The following EPS8 variants were observed in gnomAD, a reference collection of about 807,000 sequenced individuals.
EPS8 encodes the protein EGFR pathway substrate 8, signaling adaptor.
EPS8 carries 42 observed loss-of-function variants against 103.8 expected under a neutral mutation model. That is an observed-to-expected ratio of 0.40 (90% confidence interval 0.32 to 0.52). The LOEUF is 0.52. EPS8 is among the 20% of genes least tolerant of loss of function. The pLI is 0.40. For synonymous variants in EPS8, 344 were observed against 344.6 expected, an observed-to-expected ratio of 1.00 and a Z score of 0.02; for missense variants, 969 against 1,005.1, an observed-to-expected ratio of 0.96 and a Z score of 0.49.
rs1946303531 is a variant in EPS8, at chr12:15,700,921, TA to T, written c.-21-17950del. 6.6e-6 allele frequency among the ~76,000 whole-genome samples: 1 copy of T among 152,156 alleles called. No individual in the cohort carries two copies. Among genetic ancestry groups the T allele is most frequent in the South Asian group, 2.1e-4 (1 of 4,830 alleles). On this transcript the variant is annotated intron_variant, in intron 1 of 20. Transcript: ENST00000281172. The surrounding 1 kb of genome is among the most constrained non-coding windows in gnomAD (Gnocchi z 5.1). ...TTCTAAACCCAGCCAGGTTTCAAAGTAAAGAACATTTTCATAAACATACGGT... is the reference window on the plus strand; with the variant it reads ...TTCTAAACCCAGCCAGGTTTCAAAGTAAGAACATTTTCATAAACATACGGT...
Position 15,768,552 on chromosome 12 carries a change from C to T in EPS8, c.-22+20609G>A, listed in dbSNP as rs537044857. On this transcript the variant is annotated intron_variant, in intron 1 of 20. Coordinates refer to ENST00000281172, the MANE Select transcript of EPS8 (RefSeq NM_004447.6). ...TAAATATTAATTAATAAGAACATCA[C>T]TTGAGGAGTTGGGTTCTTGATACAT... Among the ~76,000 whole-genome samples, 55 of 150,616 alleles carry T rather than the reference C, an allele frequency of 3.7e-4. 1 individual carries two copies. The South Asian group carries it at 0.011, about 31-fold the overall frequency.
chr12:15,738,274 C>T lies in EPS8; in HGVS notation c.-22+50887G>A, dbSNP rs1418776241. On this transcript the variant is annotated intron_variant, in intron 1 of 20. Coordinates refer to ENST00000281172, the MANE Select transcript of EPS8 (RefSeq NM_004447.6). This position sits in a 1 kb window ranked among gnomAD's most constrained non-coding sequence, Gnocchi z 6.2. ...AATGATCATTTAGAAACACACCCACCCTGAGTGGCTAAGAAACCCTTTTGC... is the reference window on the plus strand; with the variant it reads ...AATGATCATTTAGAAACACACCCACTCTGAGTGGCTAAGAAACCCTTTTGC... Among the ~76,000 whole-genome samples the T allele has an allele frequency of 2.0e-5, 3 of 152,056 alleles. No individual in the cohort carries two copies. The highest frequency in any genetic ancestry group is 4.8e-5 in the African/African-American group (2 of 41,404).
At position 15,713,044 on chromosome 12, in the gene EPS8, A is replaced by T. The variant is rs1477418674; in HGVS notation, c.-21-30072T>A. On this transcript the variant is annotated intron_variant, in intron 1 of 20. Coordinates refer to ENST00000281172, the MANE Select transcript of EPS8 (RefSeq NM_004447.6). The surrounding 1 kb of genome is among the most constrained non-coding windows in gnomAD (Gnocchi z 4.8). ...TGGTTTCTCTAGGGCGTTAACTAAG[A>T]TTTCCTCCTCTTGTTAAGTAAGTAA... is the stretch of plus-strand genomic sequence containing the variant. 4.2e-6 allele frequency: 4 copies of T among 962,978 alleles called. No individual in the cohort carries two copies. In the East Asian group the frequency reaches 4.6e-4, roughly 110 times the overall value. The allele number at this position is 962,978 out of a possible 1,614,324, so 59.7% of individuals were successfully genotyped here.
intron 3 of EPS8, among the ~76,000 whole-genome samples, chr12:15,677,828 A>G (rs1310122699): frequency 6.6e-6 from 1 of 152,170 alleles, no homozygotes; most frequent in Non-Finnish European, 1.5e-5. Context: ...GAGTTCTCAG[A>G]AAATGCCTGT....
intron 3 of EPS8, among the ~76,000 whole-genome samples, chr12:15,678,935 A>C (rs1945956903): frequency 6.6e-6 from 1 of 151,446 alleles, no homozygotes; most frequent in African/African-American, 2.4e-5. Flanking sequence ...AAAAAAAAAA[A>C]AGTAAGATTT....
intron 1 of EPS8, among the ~76,000 whole-genome samples, chr12:15,720,631 C>T (rs558203235): frequency 8.5e-5 from 13 of 152,274 alleles, no homozygotes; most frequent in Admixed American, 3.9e-4. Flanking sequence ...TTACTTAGAA[C>T]GCTTCAGTGT....
At position 15,747,054 on chromosome 12, in the gene EPS8, T is replaced by TAAA. The variant is rs1946882945; in HGVS notation, c.-22+42106_-22+42107insTTT. ...TCCTCAACAGTCAATACATATTTTG[T>TAAA]ACGCAGGAAGTGTTCAGAGAAAATA... On this transcript the variant is annotated intron_variant, in intron 1 of 20. Transcript: ENST00000281172. The surrounding 1 kb of genome is among the most constrained non-coding windows in gnomAD (Gnocchi z 4.4). Among the ~76,000 whole-genome samples the TAAA allele has an allele frequency of 1.3e-5, 2 of 152,198 alleles. No homozygotes were observed. The highest frequency in any genetic ancestry group is 4.8e-5 in the African/African-American group (2 of 41,440).
intron 8 of EPS8, chr12:15,662,306 A>T: frequency 7.5e-7 from 1 of 1,341,254 alleles, no homozygotes; most frequent in Middle Eastern, 2.8e-4. Flanking sequence ...CTTAAGTATT[A>T]GTCCTCTCAA....
intron 20 of EPS8, 128 bp from the exon 21 acceptor site, chr12:15,621,558 T>G (rs1944862939): frequency 5.1e-6 from 3 of 583,786 alleles, no homozygotes; most frequent in Non-Finnish European, 8.9e-6. Flanking sequence ...AGCTAACAGC[T>G]CTACTTTTTA....
chr12:15,691,508 C>T (rs1295307314), intron 1 of EPS8, among the ~76,000 whole-genome samples: 1 of 152,156 alleles, frequency 6.6e-6, no homozygotes, highest in African/African-American at 2.4e-5. Flanking sequence ...GCAAGGCCTG[C>T]GCCTAGGGCT....
At chr12:15,685,115 CA>C (rs1946073137) in intron 1 of EPS8, among the ~76,000 whole-genome samples, 2 of 152,208 alleles carry the variant, frequency 1.3e-5, no homozygotes, top group South Asian at 4.1e-4. Context: ...GATCCAACTG[CA>C]GCACATCATT....
At chr12:15,645,386 C>A (rs1294329600) in intron 15 of EPS8, among the ~76,000 whole-genome samples, 1 of 150,744 alleles carries the variant, frequency 6.6e-6, no homozygotes, top group Admixed American at 6.6e-5. Flanking sequence ...ATAATAGTGT[C>A]AACTTTTATA....
chr12:15,744,202 A>C (rs886499850), intron 1 of EPS8, among the ~76,000 whole-genome samples: 9 of 152,158 alleles, frequency 5.9e-5, no homozygotes, highest in African/African-American at 2.2e-4. Context: ...AGCAACATTA[A>C]GTCTTAACGA....
At chr12:15,689,053 A>G (rs1468518810) in intron 1 of EPS8, among the ~76,000 whole-genome samples, 1 of 152,174 alleles carries the variant, frequency 6.6e-6, no homozygotes, top group Non-Finnish European at 1.5e-5. Context: ...CGAGGGGGAC[A>G]AAGGAACTTT....
At chr12:15,722,215 A>G (rs2135979052) in intron 1 of EPS8, among the ~76,000 whole-genome samples, 1 of 152,170 alleles carries the variant, frequency 6.6e-6, no homozygotes, top group East Asian at 1.9e-4. Context: ...AAACGCAAGA[A>G]AAAGTCATAA....
intron 8 of EPS8, among the ~76,000 whole-genome samples, chr12:15,663,968 T>C (rs1591832893): frequency 1.2e-5 from 1 of 81,198 alleles, no homozygotes; most frequent in East Asian, 3.0e-4. Flanking sequence ...TATATATATA[T>C]ATATATATAC....
rs1947260604 is a variant in EPS8, at chr12:15,781,518, A to T, written c.-22+7643T>A. On this transcript the variant is annotated intron_variant, in intron 1 of 20. Coordinates refer to ENST00000281172, the MANE Select transcript of EPS8 (RefSeq NM_004447.6). This position sits in a 1 kb window ranked among gnomAD's most constrained non-coding sequence, Gnocchi z 4.1. The stretch of plus-strand genomic sequence containing the variant: ...TCTGAGATAAAGAAGCATGCCTTAA[A>T]GGGCTCTTGTAACAGTGAAAGAAGA... Among the ~76,000 whole-genome samples, 1 of 152,196 alleles carries T rather than the reference A, an allele frequency of 6.6e-6. No individual in the cohort carries two copies. The highest frequency in any genetic ancestry group is 1.5e-5 in the Non-Finnish European group (1 of 68,034).
At chr12:15,729,385 A>G (rs1946688415) in intron 1 of EPS8, among the ~76,000 whole-genome samples, 1 of 152,084 alleles carries the variant, frequency 6.6e-6, no homozygotes, top group East Asian at 1.9e-4. Context: ...TGGCATTCCC[A>G]TTCTGCATAT....
In EPS8 at chr12:15,785,440, G is replaced by C. The variant is rs1028033947; in HGVS notation, c.-22+3721C>G. Among the ~76,000 whole-genome samples, 1 of 152,116 alleles carries C rather than the reference G, an allele frequency of 6.6e-6. No individual in the cohort carries two copies. The highest frequency in any genetic ancestry group is 1.5e-5 in the Non-Finnish European group (1 of 67,950). On this transcript the variant is annotated intron_variant, in intron 1 of 20. Coordinates refer to ENST00000281172, the MANE Select transcript of EPS8 (RefSeq NM_004447.6). This position sits in a 1 kb window ranked among gnomAD's most constrained non-coding sequence, Gnocchi z 4.9. ...CAAACCAGGTTTCTTCTCACTGTTG[G>C]AGTAAGTTTACATATAAACAAAGGG...
Sources: gnomAD v4.1 joint callset for allele counts (sites outside exome capture counted in the v4.1 genomes callset) on GRCh38, gnomAD v4.1.1 for gene constraint, Gnocchi (gnomAD v3.1) non-coding constraint, MANE v1.5 for transcripts, NCBI Gene and HGNC (gene_info 2026-07-23, HGNC 2026-07-21) for gene names.